The following AASS variants were observed in gnomAD, a reference collection of about 807,000 sequenced individuals.
AASS encodes the protein aminoadipate-semialdehyde synthase.
In AASS, 86 loss-of-function variants were observed where a neutral mutation model predicts 105.4. The ratio of observed to expected loss-of-function variants is 0.82; its 90% CI spans 0.69 to 0.98. The LOEUF is 0.98. Ranked by LOEUF, AASS falls within the 50% of genes least tolerant of loss-of-function variation. The pLI is 0.00. For missense variants in AASS, 1,048 were observed against 1,143.2 expected (o/e 0.92, Z 1.20); for synonymous variants, 381 against 394.8 (o/e 0.96, Z 0.41).
chr7:122,101,841 C>T (rs1406117099), intron 11 of AASS, among the ~76,000 whole-genome samples, 161 bp from the exon 12 acceptor site: 1 of 151,810 alleles, frequency 6.6e-6, no homozygotes, highest in East Asian at 1.9e-4. Context: ...AAGTCTTCTA[C>T]AAGCAATCAA....
intron 2 of AASS, among the ~76,000 whole-genome samples, chr7:122,133,172 T>A (rs1466412720): frequency 2.0e-5 from 3 of 152,106 alleles, no homozygotes; most frequent in Non-Finnish European, 2.9e-5. Context: ...ACCATAATAT[T>A]ATTTTGAAGA....
intron 2 of AASS, among the ~76,000 whole-genome samples, chr7:122,129,950 A>G (rs1795835807): frequency 1.3e-5 from 2 of 152,062 alleles, no homozygotes; most frequent in Non-Finnish European, 2.9e-5. Context: ...TTCAGTGTTT[A>G]CCCAGTTAGT....
intron 8 of AASS, among the ~76,000 whole-genome samples, chr7:122,115,537 T>C (rs1202416045): frequency 6.6e-6 from 1 of 152,128 alleles, no homozygotes; most frequent in Non-Finnish European, 1.5e-5. Flanking sequence ...GGACCTAAAA[T>C]TATATTTCCA....
intron 13 of AASS, among the ~76,000 whole-genome samples, chr7:122,101,027 C>T: frequency 6.6e-6 from 1 of 151,832 alleles, no homozygotes; most frequent in Admixed American, 6.6e-5. Context: ...CTAGTGTGCT[C>T]ATTTTCCTTT....
rs531626691 is a variant in AASS, at chr7:122,110,812, G to A, written c.1278+2306C>T. Among the ~76,000 whole-genome samples, 3 of 151,530 alleles carry A rather than the reference G, an allele frequency of 2.0e-5. No homozygotes were observed. In the South Asian group the frequency reaches 6.3e-4, roughly 32 times the overall value. ...TCCACAACCCCAAATGTCTACCAAT[G>A]GTAAAATAGATTAATAAATGTTGGT... is the stretch of plus-strand genomic sequence containing the variant. On this transcript the variant is annotated intron_variant, in intron 11 of 23. Transcript: ENST00000417368.
chr7:122,101,422 T>C lies in AASS; in HGVS notation c.1355A>G (p.Asn452Ser). ...PVVRDAVITS[N>S]GTLPDKYKYI... ...TTTATATTTATCAGGTAATGTACCG[T>C]TGGATGTAATCACTGCCTAAATGTA... The change falls in exon 13 of 24, where the codon AAC becomes AGC. Residue 452 changes from asparagine (N) to serine (S), a missense_variant. Asn to Ser is a conservative substitution (Grantham distance 46). Coordinates refer to ENST00000417368, the MANE Select transcript of AASS (RefSeq NM_005763.4). The C allele has an allele frequency of 6.2e-7, 1 of 1,610,540 alleles. No individual in the cohort carries two copies. The highest frequency in any genetic ancestry group is 2.2e-5 in the East Asian group (1 of 44,788).
Position 122,091,683 on chromosome 7 carries a change from G to T in AASS, c.2016+20C>A. ...TGTTATTGCAGGTTGATATCACTAT[G>T]CTTGGATAAGATTCCTCACCTTTCC... On this transcript the variant is annotated intron_variant, in intron 18 of 23. Transcript: ENST00000417368. 1 of 1,613,248 alleles carries T rather than the reference G, an allele frequency of 6.2e-7. No homozygotes were observed. The highest frequency in any genetic ancestry group is 8.5e-7 in the Non-Finnish European group (1 of 1,179,504).
intron 4 of AASS, among the ~76,000 whole-genome samples, chr7:122,120,380 C>A (rs1488654188): frequency 6.6e-6 from 1 of 151,906 alleles, no homozygotes; most frequent in Non-Finnish European, 1.5e-5. Flanking sequence ...TTCCTTTATC[C>A]TTTTAATATT....
chr7:122,098,564 T>G lies in AASS; in HGVS notation c.1541A>C (p.Lys514Thr), dbSNP rs753506127. The G allele has an allele frequency of 1.9e-6, 3 of 1,609,062 alleles. No individual in the cohort carries two copies. The highest frequency in any genetic ancestry group is 2.6e-6 in the Non-Finnish European group (3 of 1,176,386). Reference protein sequence around the residue: ...NIEITVGSDMKNQIEQLGKKY... With the variant: ...NIEITVGSDMTNQIEQLGKKY... ...CTTGCCTAACTGTTCAATTTGATTC[T>G]TCATGTCAGATCCTATTTCAGTAAT... is the stretch of plus-strand genomic sequence containing the variant. The change falls in exon 15 of 24, where the codon AAG becomes ACG. Residue 514 changes from lysine (K) to threonine (T), a missense_variant. By Grantham distance (78) the Lys-to-Thr change is moderately conservative. Coordinates refer to ENST00000417368, the MANE Select transcript of AASS (RefSeq NM_005763.4).
At chr7:122,106,522 T>C (rs1259171581) in intron 11 of AASS, among the ~76,000 whole-genome samples, 1 of 150,804 alleles carries the variant, frequency 6.6e-6, no homozygotes, top group East Asian at 1.9e-4. Context: ...AGGGCTACAG[T>C]AACCAAAACA....
At chr7:122,086,309 T>G (rs1793622103) in intron 18 of AASS, 130 bp from the exon 19 acceptor site, 1 of 872,828 alleles carries the variant, frequency 1.1e-6, no homozygotes, top group Admixed American at 2.3e-5. Flanking sequence ...ACCACCATAA[T>G]CATCATCCTA....
chr7:122,079,131 A>C, intron 21 of AASS, 181 bp from the exon 22 acceptor site: 2 of 1,495,918 alleles, frequency 1.3e-6, no homozygotes, highest in Non-Finnish European at 1.8e-6. Flanking sequence ...TAACCTTCAG[A>C]ATCTTCTCCA....
At chr7:122,126,187 T>C (rs970514378) in intron 4 of AASS, among the ~76,000 whole-genome samples, 188 bp downstream of exon 4, 2 of 152,244 alleles carry the variant, frequency 1.3e-5, no homozygotes, top group African/African-American at 4.8e-5. Flanking sequence ...ATTTTTGCAA[T>C]AAAATATTTT....
chr7:122,118,601 A>G lies in AASS; in HGVS notation c.502T>C (p.Leu168=), dbSNP rs774979292. The change falls in exon 5 of 24, where the codon TTA becomes CTA. Residue 168 remains leucine, a synonymous_variant. Transcript: ENST00000417368. ...GMINILHGMG[L]RLLALGHHTP... ...TGATGTCCCAAAGCAAGGAGCCTTA[A>G]ACCCATTCCATGTAAAATGTTGATC... 4.3e-6 allele frequency: 7 copies of G among 1,614,042 alleles called. No individual in the cohort carries two copies. In the South Asian group the frequency reaches 7.7e-5, roughly 18 times the overall value.
intron 19 of AASS, among the ~76,000 whole-genome samples, chr7:122,084,526 A>G (rs1478933113): frequency 6.6e-6 from 1 of 152,154 alleles, no homozygotes; most frequent in Non-Finnish European, 1.5e-5. Context: ...TGAGACACAA[A>G]AAGTAAAATA....
intron 1 of AASS, among the ~76,000 whole-genome samples, chr7:122,135,898 A>C (rs1204969743): frequency 1.3e-5 from 2 of 152,218 alleles, no homozygotes; most frequent in East Asian, 1.9e-4. Flanking sequence ...ATGCAGAATA[A>C]ATCTTATGTA....
intron 22 of AASS, 105 bp from the exon 23 acceptor site, chr7:122,078,119 A>T (rs1793114873): frequency 1.9e-6 from 2 of 1,069,196 alleles, no homozygotes; most frequent in Middle Eastern, 2.3e-4. Flanking sequence ...CCCTCCTTTT[A>T]TATATGATCA....
At chr7:122,091,931 G>A in intron 17 of AASS, 88 bp from the exon 18 acceptor site, 1 of 952,772 alleles carries the variant, frequency 1.0e-6, no homozygotes, top group Non-Finnish European at 1.6e-6. Flanking sequence ...TATGAATGGA[G>A]TAAACTTGCT....
At chr7:122,101,016 G>C (rs1794399365) in intron 13 of AASS, among the ~76,000 whole-genome samples, 1 of 151,794 alleles carries the variant, frequency 6.6e-6, no homozygotes, top group Non-Finnish European at 1.5e-5. Context: ...CCACAGAAAG[G>C]CTAGTGTGCT....
Sources: allele counts gnomAD v4.1 joint callset (sites outside exome capture counted in the v4.1 genomes callset), GRCh38; gene constraint gnomAD v4.1.1; transcripts MANE v1.5; gene names NCBI Gene and HGNC (gene_info 2026-07-23, HGNC 2026-07-21).